Variants in RGMB observed in about 807,000 individuals in gnomAD.
RGMB encodes repulsive guidance molecule B.
In RGMB, 16 loss-of-function variants were observed where a neutral mutation model predicts 26.9. The observed-to-expected ratio is 0.60, with a 90% CI of 0.40 to 0.90. The LOEUF (loss-of-function observed/expected upper bound fraction) is 0.90, where lower values mean the gene tolerates loss of function less well. RGMB is among the 40% of genes least tolerant of loss of function. The probability of loss-of-function intolerance (pLI) is 0.00; values close to 1 mark genes in which losing one functional copy is unlikely to be tolerated. For missense variants in RGMB, 512 were observed against 573.3 expected, an observed-to-expected ratio of 0.89 and a Z score of 1.09; for synonymous variants, 225 against 229.3, an observed-to-expected ratio of 0.98 and a Z score of 0.17.
At position 98,779,600 on chromosome 5, in the gene RGMB, C is replaced by A; in HGVS notation, c.157C>A (p.Gln53Lys). 1 of 1,518,258 alleles carries A rather than the reference C, an allele frequency of 6.6e-7. No homozygotes were observed. The highest frequency in any genetic ancestry group is 8.8e-7 in the Non-Finnish European group (1 of 1,132,288). The allele number at this position is 1,518,258 out of a possible 1,614,324, so 94.0% of individuals were successfully genotyped here. ...LHAGDCQQPAQCRIQKCTTDF... is the reference protein window; with the variant it reads ...LHAGDCQQPAKCRIQKCTTDF... ...CATAGGTGACTGCCAACAGCCAGCC[C>A]AATGTCGAATCCAGAAATGCACCAC... The change falls in exon 2 of 3, where the codon CAA (glutamine) becomes AAA (lysine). Residue 53 changes from glutamine (Q) to lysine (K), a missense_variant. Physicochemically the swap from Gln to Lys is moderately conservative, Grantham distance 53. Transcript: ENST00000513185.
rs2112349541 is a variant in RGMB at position 98,779,565 on chromosome 5, T to C, written c.137-15T>C. 4.7e-6 allele frequency: 7 copies of C among 1,504,622 alleles called. No individual in the cohort carries two copies. Among genetic ancestry groups the C allele is most frequent in the Non-Finnish European group, 6.2e-6 (7 of 1,126,532 alleles). The allele number at this position is 1,504,622 out of a possible 1,614,324, so 93.2% of individuals were successfully genotyped here. ...AAGAGTTTACAAATGTTTGGTCTTA[T>C]CTTCTTTCCCATAGGTGACTGCCAA... On this transcript the variant is annotated splice_polypyrimidine_tract_variant and intron_variant, in intron 1 of 2. Transcript: ENST00000513185.
upstream of RGMB, chr5:98,770,484 T>C: frequency 2.2e-6 from 1 of 454,766 alleles, no homozygotes; most frequent in Non-Finnish European, 3.8e-6. Flanking sequence ...CCCGCAGGGA[T>C]TGCGGGGGCC....
Position 98,782,568 on chromosome 5 carries a change from A to T in RGMB, c.645+2480A>T, listed in dbSNP as rs535261869. On this transcript the variant is annotated intron_variant, in intron 2 of 2. Transcript: ENST00000513185. The stretch of plus-strand genomic sequence containing the variant: ...GGTAACCTAGTACTGTGCCTTGTAG[A>T]TACCAGATCATCCTTGTGTGGTCAA... 2.6e-5 allele frequency among the ~76,000 whole-genome samples: 4 copies of T among 152,322 alleles called. No individual in the cohort carries two copies. The South Asian group carries it at 8.3e-4, about 32-fold the overall frequency.
chr5:98,792,217 C>A (rs1465202475), intron 2 of RGMB, among the ~76,000 whole-genome samples: 1 of 152,172 alleles, frequency 6.6e-6, no homozygotes, highest in African/African-American at 2.4e-5. Context: ...TCAACTCTTT[C>A]TCTCTGTATT....
At chr5:98,781,292 C>G (rs1580280432) in intron 2 of RGMB, 1 of 152,186 alleles carries the variant, frequency 6.6e-6, no homozygotes, top group Admixed American at 6.5e-5. Flanking sequence ...ACGACTGTTA[C>G]ACTGGTCTAG....
At chr5:98,774,396 G>T (rs772812754) in intron 1 of RGMB, among the ~76,000 whole-genome samples, 190 bp downstream of exon 1, 14 of 152,326 alleles carry the variant, frequency 9.2e-5, no homozygotes, top group Non-Finnish European at 1.8e-4. Flanking sequence ...CCGGGCGGCC[G>T]CCGGGCGCAG....
At position 98,794,055 on chromosome 5, in the gene RGMB, G is replaced by C. The variant is rs1747035894; in HGVS notation, c.*302G>C. ...TTATATATTAAATATTTATGTGTGT[G>C]CTTGGTTGATATGTATAGTACATAT... On this transcript the variant is annotated 3_prime_UTR_variant, in exon 3 of 3. Transcript: ENST00000513185. The C allele has an allele frequency of 8.5e-6, 2 of 234,330 alleles. No individual in the cohort carries two copies. Among genetic ancestry groups the C allele is most frequent in the African/African-American group, 4.6e-5 (2 of 43,322 alleles). 14.5% of individuals were successfully genotyped at this position (234,330 alleles called of 1,614,324 possible).
upstream of RGMB, among the ~76,000 whole-genome samples, chr5:98,772,162 A>C (rs1746186446): frequency 6.6e-6 from 1 of 152,236 alleles, no homozygotes; most frequent in Admixed American, 6.5e-5. Context: ...CTGTGAAGCT[A>C]TTATTAAGCG....
At chr5:98,775,197 C>G (rs1172118485) in intron 1 of RGMB, among the ~76,000 whole-genome samples, 1 of 152,140 alleles carries the variant, frequency 6.6e-6, no homozygotes, top group Non-Finnish European at 1.5e-5. Context: ...TCGATGCCAC[C>G]CAACTGTGCG....
chr5:98,784,819 A>T (rs1746721646), intron 2 of RGMB, among the ~76,000 whole-genome samples: 1 of 152,144 alleles, frequency 6.6e-6, no homozygotes, highest in Admixed American at 6.5e-5. Context: ...TCTTCCATTG[A>T]TAGGTCTGTG....
rs1321934839 is a variant in RGMB at position 98,796,385 on chromosome 5, G to A, written c.*2632G>A. 1.4e-5 allele frequency: 2 copies of A among 142,872 alleles called. No individual in the cohort carries two copies. The highest frequency in any genetic ancestry group is 3.0e-5 in the Non-Finnish European group (2 of 66,394). 8.9% of individuals were successfully genotyped at this position (142,872 alleles called of 1,614,324 possible). ...AGTCTTTGCAAAGAAACCTTTAGAT[G>A]TGGTTCATAGATATATGAATACGTA... is the stretch of plus-strand genomic sequence containing the variant. On this transcript the variant is annotated 3_prime_UTR_variant, in exon 3 of 3. Coordinates refer to ENST00000513185, the MANE Select transcript of RGMB (RefSeq NM_001366508.1).
chr5:98,778,534 T>C (rs908829208), intron 1 of RGMB, among the ~76,000 whole-genome samples: 4 of 152,192 alleles, frequency 2.6e-5, no homozygotes, highest in Non-Finnish European at 2.9e-5. Context: ...AAATAATGTG[T>C]TACAGTTCAT....
chr5:98,779,494 T>C, intron 1 of RGMB, 86 bp from the exon 2 acceptor site: 1 of 1,330,950 alleles, frequency 7.5e-7, no homozygotes, highest in Admixed American at 2.5e-5. Flanking sequence ...GAACAAACAA[T>C]TCCCAAAGAA....
At chr5:98,789,816 A>T (rs539189421) in intron 2 of RGMB, among the ~76,000 whole-genome samples, 2 of 152,366 alleles carry the variant, frequency 1.3e-5, no homozygotes, top group South Asian at 4.1e-4. Flanking sequence ...TTGAGTTATG[A>T]CAGCATATAT....
At chr5:98,772,470 CAT>C (rs757491066), upstream of RGMB, among the ~76,000 whole-genome samples, 19 of 152,302 alleles carry the variant, frequency 1.2e-4, no homozygotes, top group Middle Eastern at 3.4e-3. Context: ...TTCTGAGTAA[CAT>C]AGCGGGTACA....
At chr5:98,782,259 T>C (rs1452950583) in intron 2 of RGMB, among the ~76,000 whole-genome samples, 1 of 152,202 alleles carries the variant, frequency 6.6e-6, no homozygotes, top group Non-Finnish European at 1.5e-5. Context: ...TAGTATGACG[T>C]GTGCTGGTGA....
chr5:98,796,150 TGTTG>T lies in RGMB; in HGVS notation c.*2401_*2404del, dbSNP rs1215120114. The T allele has an allele frequency of 6.6e-6, 1 of 152,244 alleles. No homozygotes were observed. Among genetic ancestry groups the T allele is most frequent in the Non-Finnish European group, 1.5e-5 (1 of 68,030 alleles). The allele number at this position is 152,244 out of a possible 1,614,324, so 9.4% of individuals were successfully genotyped here. ...TTCTAGAAAAAATGCTGCTTGCACA[TGTTG>T]GTTCTTGAAACCTTAGCTAGAAGAA... On this transcript the variant is annotated 3_prime_UTR_variant, in exon 3 of 3. Coordinates refer to ENST00000513185, the MANE Select transcript of RGMB (RefSeq NM_001366508.1).
At position 98,774,089 on chromosome 5, in the gene RGMB, C is replaced by A. The variant is rs866915650; in HGVS notation, c.19C>A (p.Pro7Thr). 2 of 1,155,020 alleles carry A rather than the reference C, an allele frequency of 1.7e-6. No individual in the cohort carries two copies. Among genetic ancestry groups the A allele is most frequent in the African/African-American group, 1.6e-5 (1 of 62,364 alleles). The allele number at this position is 1,155,020 out of a possible 1,614,324, so 71.5% of individuals were successfully genotyped here. MGLRAAPSSAAAAAAEV... is the reference protein window; with the variant it reads MGLRAATSSAAAAAAEV... ...GACGGGCATGGGCTTGAGAGCAGCA[C>A]CTTCCAGCGCCGCCGCTGCCGCCGC... Residue 7 changes from proline to threonine, a missense_variant, in exon 1 of 3, where the codon CCT (proline) becomes ACT (threonine). Transcript: ENST00000513185.
chr5:98,792,937 T>C, intron 2 of RGMB, 148 bp from the exon 3 acceptor site: 1 of 569,952 alleles, frequency 1.8e-6, no homozygotes, highest in Non-Finnish European at 3.1e-6. Context: ...GTGATATCCA[T>C]TTTTGAGGTG....
Sources: allele counts gnomAD v4.1 joint callset (sites outside exome capture counted in the v4.1 genomes callset), GRCh38; gene constraint gnomAD v4.1.1; transcripts MANE v1.5; gene names NCBI Gene and HGNC (gene_info 2026-07-23, HGNC 2026-07-21).